IQCJ: variants seen among roughly 807,000 people sequenced by gnomAD.
IQCJ encodes the protein IQ domain-containing protein J.
A neutral mutation model predicts 11.0 loss-of-function variants in IQCJ; 9 were observed. The ratio of observed to expected loss-of-function variants is 0.82; its 90% CI spans 0.49 to 1.43. The LOEUF (loss-of-function observed/expected upper bound fraction) is 1.43, where lower values mean the gene tolerates loss of function less well. Among genes scored for constraint, IQCJ ranks in the 40% most tolerant of loss-of-function variants. IQCJ has a pLI of 0.00. For missense variants in IQCJ, 146 were observed against 133.2 expected (o/e 1.10, Z -0.47); for synonymous variants, 55 against 51.3 (o/e 1.07, Z -0.31).
chr3:159,085,102 G>A (rs144258451), intron 1 of IQCJ, among the ~76,000 whole-genome samples: 2,522 of 150,452 alleles, frequency 0.017, 65 homozygotes, highest in African/African-American at 0.059. Flanking sequence ...AGAGTGTGAT[G>A]TTCCCCTTCC....
rs546823642 is a variant in IQCJ, at chr3:159,246,666, G to A, written c.74+759G>A. 1.5e-4 allele frequency among the ~76,000 whole-genome samples: 23 copies of A among 152,306 alleles called. No individual in the cohort carries two copies. The South Asian group carries it at 1.7e-3, about 11-fold the overall frequency. On this transcript the variant is annotated intron_variant, in intron 2 of 3. Transcript: ENST00000397832. ...TTAAGAATCACATTGACATTGCCAAGAGTATTAGAAGAGGTCAATTAAAAT... is the reference window on the plus strand; with the variant it reads ...TTAAGAATCACATTGACATTGCCAAAAGTATTAGAAGAGGTCAATTAAAAT...
In IQCJ at chr3:159,073,467, G is replaced by A. The variant is rs375148311; in HGVS notation, c.9+4026G>A. Among the ~76,000 whole-genome samples, 352 of 152,164 alleles carry A rather than the reference G, an allele frequency of 2.3e-3. 1 individual carries two copies. The highest frequency in any genetic ancestry group is 8.2e-3 in the African/African-American group (342 of 41,526). On this transcript the variant is annotated intron_variant, in intron 1 of 3. Transcript: ENST00000397832. ...TTTGGGTCATTCAAGTGCTGAGTGG[G>A]CACCTCAGAGTAAGTGTCTCCTTAA...
intron 1 of IQCJ, among the ~76,000 whole-genome samples, chr3:159,140,594 CAG>C (rs1393607002): frequency 6.6e-6 from 1 of 152,194 alleles, no homozygotes; most frequent in African/African-American, 2.4e-5. Flanking sequence ...ACATGAAAGA[CAG>C]AGTGTGACAC....
intron 1 of IQCJ, among the ~76,000 whole-genome samples, chr3:159,082,823 G>C (rs1350774435): frequency 6.6e-6 from 1 of 152,036 alleles, no homozygotes; most frequent in Admixed American, 6.6e-5. Flanking sequence ...GATGGGGGAG[G>C]ACATGAAAAG....
chr3:159,218,866 T>G (rs1725382978), intron 1 of IQCJ, among the ~76,000 whole-genome samples: 1 of 152,108 alleles, frequency 6.6e-6, no homozygotes, highest in Admixed American at 6.6e-5. Context: ...TCAAGGTGTA[T>G]GCAGGGCTTC....
intron 1 of IQCJ, among the ~76,000 whole-genome samples, chr3:159,236,024 G>A (rs1030638714): frequency 6.6e-6 from 1 of 152,224 alleles, no homozygotes; most frequent in Admixed American, 6.5e-5. Context: ...CATTCAAAAT[G>A]TCCTTAAAGT....
chr3:159,142,097 C>A, intron 1 of IQCJ, among the ~76,000 whole-genome samples: 1 of 152,286 alleles, frequency 6.6e-6, no homozygotes. Context: ...AGACTAATTA[C>A]GTTACTGTTC....
At chr3:159,168,272 G>C (rs1172816893) in intron 1 of IQCJ, among the ~76,000 whole-genome samples, 3 of 152,270 alleles carry the variant, frequency 2.0e-5, no homozygotes. Flanking sequence ...GGATGAACTT[G>C]AGTCCCCTAG....
At chr3:159,220,491 TCC>T (rs937138834) in intron 1 of IQCJ, among the ~76,000 whole-genome samples, 27 of 152,264 alleles carry the variant, frequency 1.8e-4, no homozygotes, top group African/African-American at 6.5e-4. Context: ...AAGAAACCGG[TCC>T]TGTACCTGTG....
At chr3:159,145,074 G>T (rs1281361029) in intron 1 of IQCJ, among the ~76,000 whole-genome samples, 1 of 152,156 alleles carries the variant, frequency 6.6e-6, no homozygotes, top group Admixed American at 6.6e-5. Context: ...TGTTATTCAG[G>T]TTAGCAGAAA....
intron 1 of IQCJ, among the ~76,000 whole-genome samples, chr3:159,083,350 A>T (rs1439858062): frequency 6.6e-6 from 1 of 152,200 alleles, no homozygotes; most frequent in Non-Finnish European, 1.5e-5. Context: ...GCAGATAAGC[A>T]CATGAAAGGA....
chr3:159,091,501 C>T (rs1247370779), intron 1 of IQCJ, among the ~76,000 whole-genome samples: 1 of 151,698 alleles, frequency 6.6e-6, no homozygotes, highest in East Asian at 1.9e-4. Context: ...ACCCAATCAC[C>T]TCCCAAAGAC....
chr3:159,223,302 T>C (rs1039631184), intron 1 of IQCJ, among the ~76,000 whole-genome samples: 2 of 152,034 alleles, frequency 1.3e-5, no homozygotes, highest in Non-Finnish European at 2.9e-5. Flanking sequence ...AAGAATATAA[T>C]AGGTAGCGGC....
chr3:159,144,533 C>T (rs1720812323), intron 1 of IQCJ, among the ~76,000 whole-genome samples: 1 of 152,124 alleles, frequency 6.6e-6, no homozygotes, highest in Non-Finnish European at 1.5e-5. Flanking sequence ...GTGACCTGTT[C>T]CTGGCAACAT....
intron 1 of IQCJ, among the ~76,000 whole-genome samples, chr3:159,232,406 G>A (rs1726309484): frequency 6.6e-6 from 1 of 150,956 alleles, no homozygotes; most frequent in Admixed American, 6.6e-5. Flanking sequence ...TCTCATTCAG[G>A]AGCAGGTTGT....
chr3:159,119,614 C>G (rs1454326100), intron 1 of IQCJ, among the ~76,000 whole-genome samples: 1 of 152,058 alleles, frequency 6.6e-6, no homozygotes, highest in African/African-American at 2.4e-5. Context: ...AAATTAAAGC[C>G]AAGAGAAAGG....
intron 1 of IQCJ, among the ~76,000 whole-genome samples, chr3:159,235,269 A>G (rs1726510338): frequency 1.3e-5 from 2 of 152,222 alleles, no homozygotes; most frequent in Admixed American, 1.3e-4. Flanking sequence ...CTGAATTAAC[A>G]TTGAGCAAAG....
intron 1 of IQCJ, among the ~76,000 whole-genome samples, chr3:159,161,658 T>G (rs572418150): frequency 5.3e-5 from 8 of 152,196 alleles, no homozygotes; most frequent in Non-Finnish European, 1.2e-4. Context: ...GTTTTTATGG[T>G]TTTAGGTCTA....
chr3:159,124,640 T>C (rs1184101513), intron 1 of IQCJ, among the ~76,000 whole-genome samples: 1 of 152,204 alleles, frequency 6.6e-6, no homozygotes, highest in Non-Finnish European at 1.5e-5. Context: ...TGCATGATTA[T>C]CTCTTTAATA....
Sources: gnomAD v4.1 joint callset for allele counts (sites outside exome capture counted in the v4.1 genomes callset) on GRCh38, gnomAD v4.1.1 for gene constraint, MANE v1.5 for transcripts, NCBI Gene and HGNC (gene_info 2026-07-23, HGNC 2026-07-21) for gene names.